ATP13A4: variants seen among roughly 807,000 people sequenced by gnomAD.
ATP13A4 encodes ATPase 13A4, also known as probable cation-transporting ATPase 13A4.
ATP13A4 carries 114 observed loss-of-function variants against 142.5 expected under a neutral mutation model. The observed-to-expected ratio is 0.80, with a 90% confidence interval of 0.69 to 0.93. The LOEUF is 0.93. Among genes scored for constraint, ATP13A4 ranks in the 40% least tolerant of loss-of-function variants. ATP13A4 has a pLI of 0.00. For synonymous variants in ATP13A4, 488 were observed against 514.8 expected (o/e 0.95, Z 0.70); for missense variants, 1,392 against 1,454.0 (o/e 0.96, Z 0.69).
At chr3:193,470,001 GGAA>G (rs1464913370) in intron 9 of ATP13A4, among the ~76,000 whole-genome samples, 4 of 152,186 alleles carry the variant, frequency 2.6e-5, no homozygotes, top group Admixed American at 1.3e-4. Flanking sequence ...AGCTAACATA[GGAA>G]GAAGGTGTGT....
intron 1 of ATP13A4, among the ~76,000 whole-genome samples, chr3:193,591,042 T>C (rs1164729902): frequency 1.3e-5 from 2 of 152,246 alleles, no homozygotes; most frequent in Non-Finnish European, 2.9e-5. Flanking sequence ...TTGATTTTTA[T>C]TTGGCAACAA....
chr3:193,580,304 G>GT (rs1409995515), intron 2 of ATP13A4, among the ~76,000 whole-genome samples: 1 of 152,142 alleles, frequency 6.6e-6, no homozygotes, highest in Non-Finnish European at 1.5e-5. Flanking sequence ...CCATTGTCCT[G>GT]GTGGTGTTTG....
intron 8 of ATP13A4, among the ~76,000 whole-genome samples, chr3:193,478,522 T>C (rs1719101734): frequency 6.6e-6 from 1 of 151,840 alleles, no homozygotes; most frequent in African/African-American, 2.4e-5. Context: ...CTAGAAAATC[T>C]AGAGGAGATG....
intron 1 of ATP13A4, among the ~76,000 whole-genome samples, chr3:193,544,583 G>T (rs1428364657): frequency 1.3e-5 from 2 of 152,150 alleles, no homozygotes; most frequent in African/African-American, 4.8e-5. Context: ...CTACAATACA[G>T]GAATGCATAG....
intron 2 of ATP13A4, among the ~76,000 whole-genome samples, chr3:193,564,092 T>C (rs1724081802): frequency 6.6e-6 from 1 of 152,256 alleles, no homozygotes; most frequent in Non-Finnish European, 1.5e-5. Context: ...ACTGAAGGAT[T>C]GCTCGAAGAG....
chr3:193,525,783 T>C (rs928002168), intron 1 of ATP13A4, among the ~76,000 whole-genome samples: 1 of 152,250 alleles, frequency 6.6e-6, no homozygotes. Flanking sequence ...ATTTTATATA[T>C]TAATCTTCCA....
At chr3:193,418,714 C>G (rs182649886) in intron 25 of ATP13A4, among the ~76,000 whole-genome samples, 1 of 150,056 alleles carries the variant, frequency 6.7e-6, no homozygotes, top group Non-Finnish European at 1.5e-5. Context: ...TGCCTGAAGT[C>G]CACACAGCTG....
intron 1 of ATP13A4, among the ~76,000 whole-genome samples, chr3:193,538,385 C>T: frequency 6.7e-6 from 1 of 148,918 alleles, no homozygotes; most frequent in African/African-American, 2.5e-5. Flanking sequence ...AGGTAAGTAA[C>T]CAAATCAGAC....
intron 17 of ATP13A4, 37 bp downstream of exon 17, chr3:193,454,064 C>G (rs956619353): frequency 5.8e-6 from 9 of 1,541,966 alleles, no homozygotes; most frequent in Middle Eastern, 1.7e-4. Flanking sequence ...ATCTTTCCAT[C>G]AAACCTTTCT....
In ATP13A4 at chr3:193,440,599, A is replaced by G. The variant is rs769324708; in HGVS notation, c.2478T>C (p.Pro826=). 4 of 1,614,132 alleles carry G rather than the reference A, an allele frequency of 2.5e-6. No individual in the cohort carries two copies. Among genetic ancestry groups the G allele is most frequent in the African/African-American group, 1.3e-5 (1 of 75,058 alleles). Reference sequence around the variant, plus strand: ...CTTCCACCAGACTGGACTTCTGCCCAGGAGACATTCTTGCAAAGATGGTCC... The same window carrying G: ...CTTCCACCAGACTGGACTTCTGCCCGGGAGACATTCTTGCAAAGATGGTCC... ...INGTIFARMS[P]GQKSSLVEEF... is the part of the protein sequence containing the mutation. Residue 826 remains proline, a synonymous_variant, in exon 21 of 30, where the codon CCT becomes CCC. Coordinates refer to ENST00000342695, the MANE Select transcript of ATP13A4 (RefSeq NM_032279.4).
At chr3:193,541,571 T>C (rs1000709025) in intron 1 of ATP13A4, among the ~76,000 whole-genome samples, 121 of 152,276 alleles carry the variant, frequency 7.9e-4, no homozygotes, top group Non-Finnish European at 1.3e-3. Flanking sequence ...GACCATCAGA[T>C]TGGAAATTCT....
At chr3:193,438,194 A>C (rs1716410010) in intron 23 of ATP13A4, among the ~76,000 whole-genome samples, 1 of 152,156 alleles carries the variant, frequency 6.6e-6, no homozygotes, top group Non-Finnish European at 1.5e-5. Flanking sequence ...CATTTGAAAA[A>C]TGGGGATGAT....
intron 10 of ATP13A4, among the ~76,000 whole-genome samples, chr3:193,466,611 G>T (rs1369854388): frequency 6.6e-6 from 1 of 152,220 alleles, no homozygotes; most frequent in Non-Finnish European, 1.5e-5. Flanking sequence ...ACCCTGGAAA[G>T]AACTTGGGAT....
intron 16 of ATP13A4, 98 bp downstream of exon 16, chr3:193,456,902 T>C (rs1412821405): frequency 4.9e-6 from 7 of 1,428,226 alleles, no homozygotes; most frequent in Non-Finnish European, 6.7e-6. Context: ...CAATTGGTGA[T>C]GACCCATAGG....
At chr3:193,463,809 T>C (rs185801369) in intron 12 of ATP13A4, among the ~76,000 whole-genome samples, 417 of 152,270 alleles carry the variant, frequency 2.7e-3, no homozygotes, top group African/African-American at 9.7e-3. Context: ...CAAAATAATA[T>C]ACAAAATGGT....
chr3:193,490,418 T>G (rs1306669513), intron 6 of ATP13A4, among the ~76,000 whole-genome samples: 2 of 152,248 alleles, frequency 1.3e-5, no homozygotes, highest in African/African-American at 4.8e-5. Flanking sequence ...CCTGCCATAT[T>G]TGAAGTCATT....
At chr3:193,455,135 G>A (rs13065783) in intron 16 of ATP13A4, among the ~76,000 whole-genome samples, 12,338 of 151,944 alleles carry the variant, frequency 0.081, 643 homozygotes, top group South Asian at 0.18. Flanking sequence ...TCAGGAAATC[G>A]AGACCATCCT....
intron 13 of ATP13A4, among the ~76,000 whole-genome samples, chr3:193,460,727 T>C (rs1251574284): frequency 6.6e-6 from 1 of 152,244 alleles, no homozygotes; most frequent in African/African-American, 2.4e-5. Context: ...TCCGTAATTC[T>C]GAGTGTATAA....
At chr3:193,588,120 A>G (rs990146556) in intron 1 of ATP13A4, among the ~76,000 whole-genome samples, 1 of 152,186 alleles carries the variant, frequency 6.6e-6, no homozygotes, top group Non-Finnish European at 1.5e-5. Context: ...GAAACAGAGC[A>G]AGACGCTGTC....
Sources: gnomAD v4.1 joint callset for allele counts (sites outside exome capture counted in the v4.1 genomes callset) on GRCh38, gnomAD v4.1.1 for gene constraint, MANE v1.5 for transcripts, NCBI Gene and HGNC (gene_info 2026-07-23, HGNC 2026-07-21) for gene names.